HTR2C: variants seen among roughly 807,000 people sequenced by gnomAD.
HTR2C encodes 5-hydroxytryptamine (serotonin) receptor 2C, G protein-coupled.
Under a neutral mutation model 21.0 loss-of-function variants are expected in HTR2C, and 5 were observed. The observed-to-expected ratio is 0.24, with a 90% CI of 0.12 to 0.50. The LOEUF is 0.50. Among genes scored for constraint, HTR2C ranks in the 20% least tolerant of loss-of-function variants. The pLI is 0.98. For missense variants in HTR2C, 271 were observed against 371.2 expected (o/e 0.73, Z 2.22); for synonymous variants, 150 against 145.3 (o/e 1.03, Z -0.23).
At chrX:114,873,977 C>A (rs1298716354) in intron 5 of HTR2C, among the ~76,000 whole-genome samples, 1 of 110,666 alleles carries the variant, frequency 9.0e-6, no homozygotes, top group Non-Finnish European at 1.9e-5. Context: ...ATTCTACTCT[C>A]TGCTCCCGTG....
chrX:114,787,012 G>A (rs180677040), intron 4 of HTR2C, among the ~76,000 whole-genome samples: 2 of 111,521 alleles, frequency 1.8e-5, no homozygotes, highest in African/African-American at 6.5e-5. Context: ...AAACACAGGC[G>A]ACTGAAGTGA....
intron 2 of HTR2C, among the ~76,000 whole-genome samples, chrX:114,644,752 T>C (rs1930298379): frequency 9.1e-6 from 1 of 109,766 alleles, no homozygotes; most frequent in Non-Finnish European, 1.9e-5. Flanking sequence ...TTCTCAAAAT[T>C]GAAAGTATTA....
intron 2 of HTR2C, among the ~76,000 whole-genome samples, chrX:114,708,768 C>T (rs782690035): frequency 3.7e-5 from 4 of 108,966 alleles, no homozygotes; most frequent in Non-Finnish European, 7.6e-5. Flanking sequence ...GATCATGCCA[C>T]TGCACTCCAG....
In HTR2C at chrX:114,834,607, G is replaced by A. The variant is rs1236442814; in HGVS notation, c.350-13396G>A. On this transcript the variant is annotated intron_variant, in intron 4 of 5. Transcript: ENST00000276198. ...TTTGAGCCTATGTGTGTCTCTGCAC[G>A]TGAGATGGGTTTCCTGAATACAGCA... Among the ~76,000 whole-genome samples the A allele has an allele frequency of 9.9e-4, 104 of 105,410 alleles. 1 individual carries two copies. Among genetic ancestry groups the A allele is most frequent in the South Asian group, 4.5e-4 (1 of 2,225 alleles). 91.5% of individuals were successfully genotyped at this position (105,410 alleles called of 115,157 possible).
chrX:114,713,102 C>T lies in HTR2C; in HGVS notation c.-79-13756C>T, dbSNP rs377655745. 9.9e-5 allele frequency among the ~76,000 whole-genome samples: 11 copies of T among 111,411 alleles called. No individual in the cohort carries two copies. The East Asian group carries it at 2.0e-3, about 20-fold the overall frequency. ...TTGTAGTTATAAATTATTTTAAAAA[C>T]CTTTCAAACATAAACAGTCATAGAG... On this transcript the variant is annotated intron_variant, in intron 2 of 5. Coordinates refer to ENST00000276198, the MANE Select transcript of HTR2C (RefSeq NM_000868.4).
intron 4 of HTR2C, among the ~76,000 whole-genome samples, chrX:114,756,857 C>T (rs950105256): frequency 1.1e-4 from 12 of 110,629 alleles, no homozygotes; most frequent in East Asian, 2.8e-4. Flanking sequence ...TGTGATCTCT[C>T]GGCATAATTT....
At chrX:114,827,222 A>G (rs1194620653) in intron 4 of HTR2C, among the ~76,000 whole-genome samples, 1 of 111,430 alleles carries the variant, frequency 9.0e-6, no homozygotes, top group Non-Finnish European at 1.9e-5. Context: ...GCATTATCTC[A>G]GTGCTCAAAA....
At position 114,847,944 on chromosome X, in the gene HTR2C, A is replaced by C. The variant is rs1556468079; in HGVS notation, c.350-59A>C. The C allele has an allele frequency of 3.3e-6, 3 of 907,958 alleles. No individual in the cohort carries two copies. The African/African-American group carries it at 6.0e-5, about 18-fold the overall frequency. 74.8% of individuals were successfully genotyped at this position (907,958 alleles called of 1,213,427 possible). On this transcript the variant is annotated intron_variant, in intron 4 of 5. Transcript: ENST00000276198. ...GAAAATATAAGCAGACTAAAATTTGAGACTATAGTCAGTACAATTTGGATG... is the reference window on the plus strand; with the variant it reads ...GAAAATATAAGCAGACTAAAATTTGCGACTATAGTCAGTACAATTTGGATG...
intron 5 of HTR2C, among the ~76,000 whole-genome samples, chrX:114,863,888 G>A (rs1438027249): frequency 3.6e-5 from 4 of 111,148 alleles, no homozygotes; most frequent in African/African-American, 1.3e-4. Context: ...ATTAAATAAT[G>A]TCCTTTTTTG....
At chrX:114,597,218 CAAAAA>C (rs782280036) in intron 1 of HTR2C, among the ~76,000 whole-genome samples, 1 of 44,179 alleles carries the variant, frequency 2.3e-5, no homozygotes. Flanking sequence ...ATTTCATCTC[CAAAAA>C]AAAAAAAAAA....
chrX:114,860,584 G>A (rs782275896), intron 5 of HTR2C, among the ~76,000 whole-genome samples: 2 of 105,518 alleles, frequency 1.9e-5, no homozygotes, highest in Non-Finnish European at 3.9e-5. Flanking sequence ...CCACTTAAAC[G>A]ATATACTTTA....
intron 1 of HTR2C, among the ~76,000 whole-genome samples, chrX:114,600,207 T>C (rs1556393945): frequency 8.9e-6 from 1 of 112,378 alleles, no homozygotes; most frequent in Non-Finnish European, 1.9e-5. Flanking sequence ...AATAAGGCGT[T>C]GAGCCAAGAT....
chrX:114,707,791 C>T (rs1437582013), intron 2 of HTR2C, among the ~76,000 whole-genome samples: 2 of 110,523 alleles, frequency 1.8e-5, no homozygotes, highest in African/African-American at 6.6e-5. Context: ...ATTTGAATAT[C>T]ATGGAAACTC....
intron 2 of HTR2C, among the ~76,000 whole-genome samples, chrX:114,632,274 C>T (rs1472763293): frequency 9.0e-6 from 1 of 111,612 alleles, no homozygotes; most frequent in East Asian, 2.8e-4. Flanking sequence ...TCATACTATT[C>T]TTGTGTTAAA....
chrX:114,672,736 TAG>T (rs1556411993), intron 2 of HTR2C, among the ~76,000 whole-genome samples: 1 of 112,262 alleles, frequency 8.9e-6, no homozygotes, highest in Non-Finnish European at 1.9e-5. Context: ...ATACATTCTG[TAG>T]AGTTTCAAAT....
chrX:114,777,841 A>G (rs1282481013), intron 4 of HTR2C, among the ~76,000 whole-genome samples: 1 of 111,925 alleles, frequency 8.9e-6, no homozygotes, highest in Non-Finnish European at 1.9e-5. Flanking sequence ...TACAGGGTGG[A>G]GAGGTTTTTA....
At chrX:114,843,579 G>A (rs2070851657) in intron 4 of HTR2C, among the ~76,000 whole-genome samples, 1 of 111,317 alleles carries the variant, frequency 9.0e-6, no homozygotes, top group East Asian at 2.8e-4. Flanking sequence ...AGAAATAATG[G>A]CCACAAACTT....
chrX:114,704,710 A>G (rs1556417652), intron 2 of HTR2C, among the ~76,000 whole-genome samples: 2 of 111,327 alleles, frequency 1.8e-5, no homozygotes, highest in Non-Finnish European at 3.8e-5. Flanking sequence ...CTGGCCAGGC[A>G]ATCAGGCAGG....
intron 2 of HTR2C, among the ~76,000 whole-genome samples, chrX:114,670,163 C>G (rs781951885): frequency 5.6e-4 from 62 of 111,546 alleles, no homozygotes; most frequent in African/African-American, 1.9e-3. Flanking sequence ...GAGGCCGAGG[C>G]AGGTGGATCA....
Sources: gnomAD v4.1 joint callset for allele counts (sites outside exome capture counted in the v4.1 genomes callset) on GRCh38, gnomAD v4.1.1 for gene constraint, MANE v1.5 for transcripts, NCBI Gene and HGNC (gene_info 2026-07-23, HGNC 2026-07-21) for gene names.